Variants in ARHGEF3 observed in about 807,000 individuals in gnomAD.
ARHGEF3 encodes 59.8 kDA protein.
In ARHGEF3, 28 loss-of-function variants were observed where a neutral mutation model predicts 63.2. The ratio of observed to expected loss-of-function variants is 0.44; its 90% CI spans 0.33 to 0.61. The LOEUF is 0.61. Ranked by LOEUF, ARHGEF3 falls within the 20% of genes least tolerant of loss-of-function variation. The pLI, the probability that ARHGEF3 is intolerant of heterozygous loss-of-function variation, is 0.03. For missense variants in ARHGEF3, 533 were observed against 659.3 expected, an observed-to-expected ratio of 0.81 and a Z score of 2.10; for synonymous variants, 266 against 254.2, an observed-to-expected ratio of 1.05 and a Z score of -0.44.
At chr3:56,831,903 C>T (rs1186205203) in intron 4 of ARHGEF3, among the ~76,000 whole-genome samples, 1 of 152,192 alleles carries the variant, frequency 6.6e-6, no homozygotes, top group Non-Finnish European at 1.5e-5. Context: ...TCTCTAACAA[C>T]AGGCAAGAGG....
rs534813735 is a variant in ARHGEF3, at chr3:57,056,280, G to A, written c.-27-21104C>T. Among the ~76,000 whole-genome samples, 9 of 151,672 alleles carry A rather than the reference G, an allele frequency of 5.9e-5. No homozygotes were observed. The East Asian group carries it at 9.7e-4, about 16-fold the overall frequency. Reference sequence around the variant, plus strand: ...CACACACCTGTAATTCCAGCTACTCGGGAGGCTGAGGCAGGAGAATCTCTT... The same window carrying A: ...CACACACCTGTAATTCCAGCTACTCAGGAGGCTGAGGCAGGAGAATCTCTT... On this transcript the variant is annotated intron_variant, in intron 1 of 12. Coordinates refer to the ARHGEF3 transcript ENST00000338458.
At chr3:56,819,275 G>A (rs2038379715) in intron 4 of ARHGEF3, among the ~76,000 whole-genome samples, 1 of 152,148 alleles carries the variant, frequency 6.6e-6, no homozygotes, top group Non-Finnish European at 1.5e-5. Flanking sequence ...CAACATAAGA[G>A]GACCAATTGG....
chr3:56,946,046 A>T (rs1699479126), intron 3 of ARHGEF3, among the ~76,000 whole-genome samples: 1 of 152,216 alleles, frequency 6.6e-6, no homozygotes, highest in African/African-American at 2.4e-5. Context: ...AGCAAACTCC[A>T]ACAGACCCGC....
intron 1 of ARHGEF3, among the ~76,000 whole-genome samples, chr3:56,778,910 G>A (rs189143431): frequency 1.3e-5 from 2 of 152,142 alleles, no homozygotes; most frequent in Non-Finnish European, 1.5e-5. Flanking sequence ...AGGCCCATAG[G>A]AAGTCAGCTG....
chr3:56,838,960 CT>C (rs1329089322), intron 4 of ARHGEF3, among the ~76,000 whole-genome samples: 1 of 140,886 alleles, frequency 7.1e-6, no homozygotes. Flanking sequence ...TGAGACCCCC[CT>C]ATCTCTACAA....
intron 2 of ARHGEF3, among the ~76,000 whole-genome samples, chr3:56,966,903 G>A (rs888326096): frequency 1.3e-5 from 2 of 149,808 alleles, no homozygotes; most frequent in Non-Finnish European, 3.0e-5. Flanking sequence ...CACTCTTGCT[G>A]CCCAGGCTGG....
intron 6 of ARHGEF3, among the ~76,000 whole-genome samples, chr3:56,747,434 C>T (rs180924910): frequency 3.7e-4 from 56 of 152,216 alleles, no homozygotes; most frequent in African/African-American, 1.2e-3. Flanking sequence ...GTTCAGTCAC[C>T]GGCTAGGAGA....
At chr3:56,914,403 G>T (rs1044748332) in intron 3 of ARHGEF3, among the ~76,000 whole-genome samples, 3 of 152,168 alleles carry the variant, frequency 2.0e-5, no homozygotes, top group African/African-American at 7.2e-5. Flanking sequence ...GCAAAATGTG[G>T]TATGTCACCG....
At chr3:56,735,434 G>A (rs1456266590) in intron 8 of ARHGEF3, among the ~76,000 whole-genome samples, 4 of 151,438 alleles carry the variant, frequency 2.6e-5, no homozygotes, top group East Asian at 1.9e-4. Flanking sequence ...CAACTCTACC[G>A]GGTGAAAAAA....
At chr3:56,831,149 T>C (rs532348834) in intron 4 of ARHGEF3, among the ~76,000 whole-genome samples, 1 of 152,352 alleles carries the variant, frequency 6.6e-6, no homozygotes, top group South Asian at 2.1e-4. Flanking sequence ...AGTAACTGGG[T>C]TATCTCATTT....
intron 2 of ARHGEF3, among the ~76,000 whole-genome samples, chr3:56,767,377 T>C (rs956414200): frequency 4.0e-5 from 6 of 151,292 alleles, no homozygotes; most frequent in African/African-American, 7.3e-5. Flanking sequence ...GGTCAGGAGA[T>C]TGAGGCCATC....
chr3:57,049,994 C>T (rs367804808), intron 1 of ARHGEF3, among the ~76,000 whole-genome samples: 21 of 152,314 alleles, frequency 1.4e-4, no homozygotes, highest in African/African-American at 4.6e-4. Context: ...GCTCTTTCCA[C>T]TCTCAGCCCC....
At chr3:56,833,766 T>G (rs976431678) in intron 4 of ARHGEF3, among the ~76,000 whole-genome samples, 34 of 152,232 alleles carry the variant, frequency 2.2e-4, no homozygotes, top group African/African-American at 7.5e-4. Context: ...ACATGTTCAC[T>G]TTCTTTTTTA....
chr3:56,982,438 C>T (rs915643289), intron 2 of ARHGEF3, among the ~76,000 whole-genome samples: 1 of 152,002 alleles, frequency 6.6e-6, no homozygotes, highest in African/African-American at 2.4e-5. Flanking sequence ...GAGCGAAACC[C>T]CTCCTTCAGG....
At chr3:56,783,131 A>C (rs1405035870) in intron 1 of ARHGEF3, among the ~76,000 whole-genome samples, 1 of 152,146 alleles carries the variant, frequency 6.6e-6, no homozygotes, top group Non-Finnish European at 1.5e-5. Context: ...GGAGCCTCTG[A>C]AACCATGCTC....
intron 2 of ARHGEF3, among the ~76,000 whole-genome samples, chr3:56,962,387 G>C (rs73093603): frequency 0.14 from 20,881 of 152,190 alleles, 1,585 homozygotes; most frequent in East Asian, 0.25. Flanking sequence ...CAGACACAAA[G>C]ACACTCAGCT....
In ARHGEF3 at chr3:56,905,159, C is replaced by T. The variant is rs140265878; in HGVS notation, c.130-22805G>A. On this transcript the variant is annotated intron_variant, in intron 3 of 12. Coordinates refer to the ARHGEF3 transcript ENST00000338458. ...ATTCACCTTTCCCTTAGAGTTTTCT[C>T]TTTTTATTTTTTAGGTATTCATTTT... Among the ~76,000 whole-genome samples the T allele has an allele frequency of 1.2e-3, 181 of 152,234 alleles. 1 individual carries two copies. The highest frequency in any genetic ancestry group is 3.2e-3 in the African/African-American group (132 of 41,524).
chr3:56,730,100 T>TA (rs2033027266), intron 9 of ARHGEF3, among the ~76,000 whole-genome samples: 1 of 152,216 alleles, frequency 6.6e-6, no homozygotes, highest in African/African-American at 2.4e-5. Flanking sequence ...GGCCCTTTTT[T>TA]AGAGATTCTG....
At chr3:56,818,484 C>A (rs563232095) in intron 4 of ARHGEF3, among the ~76,000 whole-genome samples, 1 of 152,254 alleles carries the variant, frequency 6.6e-6, no homozygotes, top group East Asian at 1.9e-4. Flanking sequence ...TTGCATACAG[C>A]AAGCACTCTA....
Sources: allele counts gnomAD v4.1 joint callset (sites outside exome capture counted in the v4.1 genomes callset), GRCh38; gene constraint gnomAD v4.1.1; transcripts MANE v1.5; gene names NCBI Gene and HGNC (gene_info 2026-07-23, HGNC 2026-07-21).